The following IFT122 variants were observed in gnomAD, a reference collection of about 807,000 sequenced individuals.
IFT122 encodes the protein intraflagellar transport protein 122 homolog.
IFT122 carries 118 observed loss-of-function variants against 161.6 expected under a neutral mutation model. That is an observed-to-expected ratio of 0.73 (90% CI 0.63 to 0.85). IFT122 has a LOEUF of 0.85. IFT122 is among the 40% of genes least tolerant of loss of function. The probability of loss-of-function intolerance (pLI) is 0.00; values close to 1 mark genes in which losing one functional copy is unlikely to be tolerated. For missense variants in IFT122, 1,381 were observed against 1,579.6 expected, an observed-to-expected ratio of 0.87 and a Z score of 2.13; for synonymous variants, 550 against 602.4, an observed-to-expected ratio of 0.91 and a Z score of 1.27.
chr3:129,519,058 T>C (rs758581995), intron 27 of IFT122, 49 bp from the exon 28 acceptor site: 32 of 1,486,562 alleles, frequency 2.2e-5, no homozygotes, highest in Admixed American at 5.0e-5. Context: ...GAGGCTAGGG[T>C]CTGTCTCCAT....
chr3:129,457,434 C>T (rs938866366), intron 3 of IFT122, among the ~76,000 whole-genome samples: 6 of 152,178 alleles, frequency 3.9e-5, no homozygotes, highest in Non-Finnish European at 2.9e-5. Context: ...ATGATGACTC[C>T]GCTCATTCCC....
At chr3:129,458,825 G>T (rs1292477000) in intron 4 of IFT122, 148 bp downstream of exon 4, 6 of 694,728 alleles carry the variant, frequency 8.6e-6, no homozygotes, top group African/African-American at 1.8e-5. Context: ...GGTATAGGAA[G>T]GTTGAGTAGT....
At chr3:129,507,953 GC>G (rs1167001024) in intron 23 of IFT122, among the ~76,000 whole-genome samples, 191 bp downstream of exon 23, 5 of 152,236 alleles carry the variant, frequency 3.3e-5, no homozygotes, top group Non-Finnish European at 7.3e-5. Flanking sequence ...CATGCATCAA[GC>G]AGTGGGCTCC....
chr3:129,493,264 A>G (rs1185552191), intron 17 of IFT122, among the ~76,000 whole-genome samples: 1 of 152,212 alleles, frequency 6.6e-6, no homozygotes, highest in Non-Finnish European at 1.5e-5. Flanking sequence ...ACAGTGAGGA[A>G]ATAGCAAATG....
chr3:129,519,733 G>A lies in IFT122; in HGVS notation c.3636+1G>A. The A allele has an allele frequency of 6.2e-7, 1 of 1,613,498 alleles. No individual in the cohort carries two copies. The highest frequency in any genetic ancestry group is 8.5e-7 in the Non-Finnish European group (1 of 1,180,036). On this transcript the variant is annotated splice_donor_variant, in intron 29 of 29. Transcript: ENST00000348417. LOFTEE classifies it high-confidence loss of function. Reference sequence around the variant, plus strand: ...TACCATGTGCCCCTCCTGCTTCCAGGTAGGTGGCCACCCTGGTAGCTCACA... The same window carrying A: ...TACCATGTGCCCCTCCTGCTTCCAGATAGGTGGCCACCCTGGTAGCTCACA...
At chr3:129,453,040 T>C (rs1239691472) in intron 3 of IFT122, among the ~76,000 whole-genome samples, 1 of 152,148 alleles carries the variant, frequency 6.6e-6, no homozygotes, top group Non-Finnish European at 1.5e-5. Flanking sequence ...TGGAAAAGAC[T>C]GCAGGTAGAG....
At chr3:129,458,474 A>G (rs548702791) in intron 3 of IFT122, 125 bp from the exon 4 acceptor site, 7 of 834,340 alleles carry the variant, frequency 8.4e-6, no homozygotes, top group East Asian at 2.6e-5. Context: ...CCCAGTACTG[A>G]TAAGAACTAG....
intron 26 of IFT122, among the ~76,000 whole-genome samples, chr3:129,516,492 GCA>G (rs1388077742): frequency 8.8e-6 from 1 of 113,042 alleles, no homozygotes; most frequent in Non-Finnish European, 1.8e-5. Flanking sequence ...GACTGCCCCT[GCA>G]CACACACATG....
At chr3:129,461,205 A>G (rs1349483970) in intron 4 of IFT122, 23 bp from the exon 5 acceptor site, 2 of 1,579,788 alleles carry the variant, frequency 1.3e-6, no homozygotes, top group Non-Finnish European at 8.7e-7. Flanking sequence ...CTGCATAGTA[A>G]TCTACAGTTG....
chr3:129,505,596 G>A (rs938654384), intron 21 of IFT122, among the ~76,000 whole-genome samples: 4 of 152,214 alleles, frequency 2.6e-5, no homozygotes, highest in Non-Finnish European at 5.9e-5. Context: ...ACAAAGGCCA[G>A]ACCTTCTCCT....
chr3:129,469,335 T>C lies in IFT122; in HGVS notation c.741-7T>C, dbSNP rs1178043912. 7 of 1,612,474 alleles carry C rather than the reference T, an allele frequency of 4.3e-6. No individual in the cohort carries two copies. Among genetic ancestry groups the C allele is most frequent in the Non-Finnish European group, 5.9e-6 (7 of 1,178,528 alleles). ...CTTCATAACCTCTTTTATCTTCTGT[T>C]GATTAGAGAGGAACGTAATGACATC... On this transcript the variant is annotated splice_polypyrimidine_tract_variant and splice_region_variant and intron_variant, in intron 8 of 29. Transcript: ENST00000348417.
intron 29 of IFT122, 93 bp downstream of exon 29, chr3:129,519,825 G>A (rs964410771): frequency 1.4e-6 from 2 of 1,454,238 alleles, no homozygotes; most frequent in African/African-American, 2.8e-5. Context: ...CCTGGGAGGA[G>A]GGGCACATCC....
intron 17 of IFT122, among the ~76,000 whole-genome samples, chr3:129,495,064 T>C (rs550782719): frequency 6.6e-6 from 1 of 152,310 alleles, no homozygotes; most frequent in Admixed American, 6.5e-5. Context: ...GTCATCCCCA[T>C]GAGCCACAAC....
At chr3:129,494,692 G>GTGTT (rs761625437) in intron 17 of IFT122, among the ~76,000 whole-genome samples, 273 of 152,168 alleles carry the variant, frequency 1.8e-3, no homozygotes, top group Non-Finnish European at 2.8e-3. Flanking sequence ...CTAAGTGTGT[G>GTGTT]TGTGTGTGTG....
chr3:129,520,071 C>T (rs577206061), intron 29 of IFT122, 105 bp from the exon 30 acceptor site: 4 of 922,028 alleles, frequency 4.3e-6, no homozygotes, highest in Admixed American at 2.0e-5. Flanking sequence ...CCAGCCCTGA[C>T]CACTGCCAAG....
intron 4 of IFT122, among the ~76,000 whole-genome samples, 155 bp downstream of exon 4, chr3:129,458,832 T>C (rs1030082247): frequency 6.6e-6 from 1 of 152,140 alleles, no homozygotes; most frequent in African/African-American, 2.4e-5. Flanking sequence ...GAAGGTTGAG[T>C]AGTGAATAAG....
intron 22 of IFT122, among the ~76,000 whole-genome samples, chr3:129,507,271 G>A (rs927463593): frequency 2.0e-5 from 3 of 152,208 alleles, no homozygotes; most frequent in Non-Finnish European, 4.4e-5. Flanking sequence ...GATAGGAGCA[G>A]CAGAGGGAAG....
Position 129,476,801 on chromosome 3 carries a change from G to GT in IFT122, c.1147_1147+1insT (p.Arg384SerfsTer3), listed in dbSNP as rs768614110. 4.3e-6 allele frequency: 7 copies of GT among 1,614,038 alleles called. No individual in the cohort carries two copies. The highest frequency in any genetic ancestry group is 4.2e-6 in the Non-Finnish European group (5 of 1,180,044). ...GCAGCACCTGATCACTGAGCAGAAA[G>GT]GTAAGAGGCAGGTCCAGACCTTGGG... On this transcript the variant is annotated frameshift_variant and splice_region_variant. Coordinates refer to ENST00000348417, the MANE Select transcript of IFT122 (RefSeq NM_052989.3). LOFTEE classifies it high-confidence loss of function.
rs758067204 is a variant in IFT122, at chr3:129,507,761, C to T, written c.2885C>T (p.Thr962Met). ...GGTTACCATGCCATCCATCGCCACA[C>T]GGTAAGGTGGCTGGGTCACCAGCAC... ...YHGYHAIHRHTEDPFSVHRPE... is the reference protein window; with the variant it reads ...YHGYHAIHRHMEDPFSVHRPE... Residue 962 changes from threonine (T) to methionine (M), a missense_variant and splice_region_variant, in exon 23 of 30, where the codon ACG (threonine) becomes ATG (methionine). By Grantham distance (81) the Thr-to-Met change is moderately conservative (BLOSUM62 -1). This residue lies in a region of IFT122 where 496 missense variants were observed against 502.5 expected (regional missense o/e 0.99). Transcript: ENST00000348417. The T allele has an allele frequency of 1.1e-5, 18 of 1,611,056 alleles. No individual in the cohort carries two copies. Among genetic ancestry groups the T allele is most frequent in the African/African-American group, 4.0e-5 (3 of 74,890 alleles).
Sources: gnomAD v4.1 joint callset for allele counts (sites outside exome capture counted in the v4.1 genomes callset) on GRCh38, gnomAD v4.1.1 for gene constraint, gnomAD v4.1.1 regional missense constraint, MANE v1.5 for transcripts, NCBI Gene and HGNC (gene_info 2026-07-23, HGNC 2026-07-21) for gene names.